Variants in CSMD3 observed in about 807,000 individuals in gnomAD.
The protein encoded by CSMD3 is CUB and Sushi multiple domains 3.
A neutral mutation model predicts 435.2 loss-of-function variants in CSMD3; 177 were observed. That is an observed-to-expected ratio of 0.41 (90% CI 0.36 to 0.46). The LOEUF is 0.46. Ranked by LOEUF, CSMD3 falls within the 20% of genes least tolerant of loss-of-function variation. CSMD3 has a pLI of 0.34. For synonymous variants in CSMD3, 1,656 were observed against 1,520.5 expected (o/e 1.09, Z -2.07); for missense variants, 4,265 against 4,504.6 (o/e 0.95, Z 1.52).
chr8:113,010,578 G>A (rs1012087977), intron 6 of CSMD3, among the ~76,000 whole-genome samples: 2 of 151,500 alleles, frequency 1.3e-5, no homozygotes, highest in African/African-American at 2.4e-5. Context: ...ATTGTAGTTG[G>A]TACATTTAAA....
intron 13 of CSMD3, among the ~76,000 whole-genome samples, chr8:112,729,812 G>A (rs967987287): frequency 6.6e-6 from 1 of 152,054 alleles, no homozygotes; most frequent in Non-Finnish European, 1.5e-5. Context: ...ACTATAAACT[G>A]GAAGAGGCAA....
At chr8:113,021,054 T>C (rs974025634) in intron 5 of CSMD3, among the ~76,000 whole-genome samples, 2 of 152,200 alleles carry the variant, frequency 1.3e-5, no homozygotes, top group Non-Finnish European at 2.9e-5. Flanking sequence ...AATTCCAATA[T>C]GAAAACATTG....
intron 27 of CSMD3, among the ~76,000 whole-genome samples, chr8:112,523,839 T>A (rs1020847425): frequency 1.3e-5 from 2 of 152,064 alleles, no homozygotes; most frequent in African/African-American, 4.8e-5. Context: ...AATTTCATTA[T>A]GTTACTAAGG....
chr8:112,856,608 GA>G (rs1200486181), intron 11 of CSMD3, among the ~76,000 whole-genome samples: 1 of 151,810 alleles, frequency 6.6e-6, no homozygotes, highest in Non-Finnish European at 1.5e-5. Flanking sequence ...CTATGAAAAA[GA>G]GACTGTGGCT....
At chr8:113,346,379 A>T (rs185475251) in intron 1 of CSMD3, among the ~76,000 whole-genome samples, 1 of 152,268 alleles carries the variant, frequency 6.6e-6, no homozygotes, top group Non-Finnish European at 1.5e-5. Flanking sequence ...GAATGAACTT[A>T]AAAAATCTGG....
chr8:112,612,709 C>CTTTTT (rs532290154), intron 22 of CSMD3, among the ~76,000 whole-genome samples: 5 of 65,888 alleles, frequency 7.6e-5, no homozygotes, highest in Non-Finnish European at 1.1e-4. Flanking sequence ...TTTCTTTGTT[C>CTTTTT]TTTTTTTTTT....
intron 10 of CSMD3, among the ~76,000 whole-genome samples, chr8:112,883,743 G>GT (rs1564064343): frequency 6.6e-6 from 1 of 151,834 alleles, no homozygotes; most frequent in African/African-American, 2.4e-5. Flanking sequence ...TTTTATACAT[G>GT]TTTTTTAAAT....
At position 112,638,686 on chromosome 8, in the gene CSMD3, A is replaced by G; in HGVS notation, c.3526+10T>C. 1 of 1,523,988 alleles carries G rather than the reference A, an allele frequency of 6.6e-7. No homozygotes were observed. The highest frequency in any genetic ancestry group is 9.1e-7 in the Non-Finnish European group (1 of 1,099,458). The allele number at this position is 1,523,988 out of a possible 1,614,324, so 94.4% of individuals were successfully genotyped here. ...TACTGAATGAGCCCTTTTGTTTTTT[A>G]TTTTCTCACCAGAGAATGTTATGTT... On this transcript the variant is annotated intron_variant, in intron 21 of 70. Transcript: ENST00000297405.
At chr8:112,361,780 T>C (rs74418431) in intron 38 of CSMD3, among the ~76,000 whole-genome samples, 1 of 151,344 alleles carries the variant, frequency 6.6e-6, no homozygotes, top group East Asian at 1.9e-4. Context: ...ATGTATCTAT[T>C]TATTGAAAAT....
At chr8:112,740,681 A>G (rs16884032) in intron 13 of CSMD3, among the ~76,000 whole-genome samples, 3,780 of 151,986 alleles carry the variant, frequency 0.025, 76 homozygotes, top group East Asian at 0.074. Flanking sequence ...GGGTTACCCA[A>G]GAAAGAAAAG....
intron 46 of CSMD3, 121 bp downstream of exon 46, chr8:112,319,780 C>G (rs1439005062): frequency 6.5e-6 from 5 of 769,062 alleles, no homozygotes; most frequent in Non-Finnish European, 9.4e-6. Context: ...TAAATAATCT[C>G]TATCAACACA....
At chr8:112,301,039 A>G in intron 53 of CSMD3, among the ~76,000 whole-genome samples, 1 of 152,154 alleles carries the variant, frequency 6.6e-6, no homozygotes, top group East Asian at 1.9e-4. Flanking sequence ...AATAATCATT[A>G]GAAAAATTTT....
At position 112,968,095 on chromosome 8, in the gene CSMD3, G is replaced by GA. The variant is rs554268559; in HGVS notation, c.1342+7741dup. Among the ~76,000 whole-genome samples the GA allele has an allele frequency of 1.4e-3, 202 of 146,806 alleles. 1 individual carries two copies. The highest frequency in any genetic ancestry group is 4.5e-3 in the African/African-American group (181 of 40,300). ...GGCATAGATGTGGGCATTGGGCCCA[G>GA]AAAAAAAAAAGTAAATATGGCTGAT... On this transcript the variant is annotated intron_variant, in intron 7 of 70. Transcript: ENST00000297405.
intron 15 of CSMD3, among the ~76,000 whole-genome samples, chr8:112,684,348 T>A (rs1278480673): frequency 1.3e-5 from 2 of 152,096 alleles, no homozygotes; most frequent in African/African-American, 2.4e-5. Flanking sequence ...ACCACTAGTA[T>A]CACTTTGAAA....
intron 1 of CSMD3, among the ~76,000 whole-genome samples, chr8:113,355,336 C>T (rs1014369542): frequency 6.6e-6 from 1 of 151,792 alleles, no homozygotes; most frequent in African/African-American, 2.4e-5. Flanking sequence ...CTGGCTGCTA[C>T]AACAAAATAC....
At chr8:113,431,904 G>A (rs1214357048) in intron 1 of CSMD3, among the ~76,000 whole-genome samples, 1 of 152,100 alleles carries the variant, frequency 6.6e-6, no homozygotes, top group Admixed American at 6.5e-5. Flanking sequence ...GAAAAGACGC[G>A]TATACTCCAA....
At chr8:112,305,318 C>G (rs991174809) in intron 51 of CSMD3, among the ~76,000 whole-genome samples, 1 of 151,976 alleles carries the variant, frequency 6.6e-6, no homozygotes, top group Non-Finnish European at 1.5e-5. Flanking sequence ...TAAGTAGAAG[C>G]CTTATTAGAA....
intron 41 of CSMD3, among the ~76,000 whole-genome samples, chr8:112,343,019 A>T (rs369903077): frequency 1.1e-3 from 104 of 95,810 alleles, no homozygotes; most frequent in South Asian, 2.4e-3. Context: ...ATATATATTT[A>T]TATATATATA....
At chr8:112,348,179 T>C (rs2131035508) in intron 40 of CSMD3, among the ~76,000 whole-genome samples, 1 of 152,356 alleles carries the variant, frequency 6.6e-6, no homozygotes, top group Admixed American at 6.5e-5. Context: ...ATTTCCTCAG[T>C]ATCTCTGCAA....
Sources: allele counts gnomAD v4.1 joint callset (sites outside exome capture counted in the v4.1 genomes callset), GRCh38; gene constraint gnomAD v4.1.1; transcripts MANE v1.5; gene names NCBI Gene and HGNC (gene_info 2026-07-23, HGNC 2026-07-21).